STK32B: variants seen among roughly 807,000 people sequenced by gnomAD.
STK32B encodes serine/threonine kinase 32B.
Under a neutral mutation model 52.6 loss-of-function variants are expected in STK32B, and 43 were observed. The observed-to-expected ratio is 0.82, with a 90% CI of 0.64 to 1.05. The LOEUF (loss-of-function observed/expected upper bound fraction) is 1.05. STK32B is among the 50% of genes least tolerant of loss of function. The probability of loss-of-function intolerance (pLI) is 0.00; values close to 1 mark genes in which losing one functional copy is unlikely to be tolerated. For missense variants in STK32B, 621 were observed against 534.6 expected (o/e 1.16, Z -1.59); for synonymous variants, 238 against 204.3 (o/e 1.17, Z -1.41).
At chr4:5,439,811 T>A (rs1428133122) in intron 6 of STK32B, among the ~76,000 whole-genome samples, 1 of 151,776 alleles carries the variant, frequency 6.6e-6, no homozygotes, top group African/African-American at 2.4e-5. Context: ...CAGTTTCAGC[T>A]TTCTCCATAT....
chr4:5,314,667 T>G (rs1730544814), intron 3 of STK32B, among the ~76,000 whole-genome samples: 1 of 152,090 alleles, frequency 6.6e-6, no homozygotes, highest in African/African-American at 2.4e-5. Context: ...CAAGACTCCG[T>G]CTTAAACAAA....
intron 4 of STK32B, among the ~76,000 whole-genome samples, chr4:5,353,936 T>C (rs1393533135): frequency 6.6e-6 from 1 of 152,190 alleles, no homozygotes; most frequent in Non-Finnish European, 1.5e-5. Context: ...GGCATGCCAA[T>C]ATTTATTGCC....
chr4:5,022,670 AAGAGTC>A, the STK32B span, among the ~76,000 whole-genome samples: 17 of 152,324 alleles, frequency 1.1e-4, no homozygotes, highest in African/African-American at 4.1e-4. Context: ...AGGAGAGCTG[AAGAGTC>A]AGAGTTAACG....
At chr4:5,094,131 G>A (rs1342596537) in intron 1 of STK32B, among the ~76,000 whole-genome samples, 1 of 152,116 alleles carries the variant, frequency 6.6e-6, no homozygotes, top group African/African-American at 2.4e-5. Context: ...ATGGGTGCAG[G>A]ATTGCTACAA....
intron 2 of STK32B, among the ~76,000 whole-genome samples, chr4:5,156,800 A>G (rs1717890519): frequency 6.6e-6 from 1 of 152,198 alleles, no homozygotes; most frequent in Admixed American, 6.5e-5. Flanking sequence ...ATAGCTCTTT[A>G]TGCCCCTCAA....
At chr4:5,359,027 T>C (rs1734369187) in intron 4 of STK32B, among the ~76,000 whole-genome samples, 1 of 152,208 alleles carries the variant, frequency 6.6e-6, no homozygotes, top group Non-Finnish European at 1.5e-5. Context: ...GGCAGATTCA[T>C]TGATCAGCAA....
At chr4:5,418,719 C>T (rs531254799) in intron 6 of STK32B, among the ~76,000 whole-genome samples, 2 of 152,326 alleles carry the variant, frequency 1.3e-5, no homozygotes, top group South Asian at 2.1e-4. Context: ...GTGAAAATGC[C>T]CTGTTCCCAG....
chr4:5,198,189 C>T (rs1446161267), intron 3 of STK32B, among the ~76,000 whole-genome samples: 1 of 152,150 alleles, frequency 6.6e-6, no homozygotes, highest in Non-Finnish European at 1.5e-5. Flanking sequence ...GATGAGCAAA[C>T]TTTGTCTGCA....
intron 3 of STK32B, among the ~76,000 whole-genome samples, chr4:5,316,342 T>C: frequency 2.0e-5 from 1 of 50,346 alleles, no homozygotes; most frequent in South Asian, 6.6e-4. Flanking sequence ...CAATATAATA[T>C]ATTATATCAT....
At chr4:5,038,985 C>CTTTTTTT in the STK32B span, among the ~76,000 whole-genome samples, 10 of 122,314 alleles carry the variant, frequency 8.2e-5, no homozygotes, top group East Asian at 2.3e-4. Context: ...AAATTTCTTT[C>CTTTTTTT]TTTTTTTTTT....
At chr4:5,375,113 A>C (rs1013330638) in intron 4 of STK32B, among the ~76,000 whole-genome samples, 2 of 152,118 alleles carry the variant, frequency 1.3e-5, no homozygotes, top group Non-Finnish European at 2.9e-5. Flanking sequence ...TGGTCTCACC[A>C]TCTGGCTTCT....
chr4:5,100,115 G>T (rs2108792177), intron 1 of STK32B, among the ~76,000 whole-genome samples: 1 of 152,200 alleles, frequency 6.6e-6, no homozygotes, highest in East Asian at 1.9e-4. Context: ...CAGCAGAGAA[G>T]TGATAGAGCC....
chr4:5,348,767 C>T (rs1026623490), intron 4 of STK32B, among the ~76,000 whole-genome samples: 2 of 152,174 alleles, frequency 1.3e-5, no homozygotes, highest in African/African-American at 4.8e-5. Context: ...CTGCATGCAC[C>T]ATCAGGGGGC....
intron 2 of STK32B, chr4:5,140,425 C>A: frequency 1.5e-6 from 1 of 658,250 alleles, no homozygotes; most frequent in Non-Finnish European, 2.0e-6. Context: ...CCAGTCTGTT[C>A]CCACATACTC....
intron 3 of STK32B, among the ~76,000 whole-genome samples, chr4:5,179,583 A>C (rs533549607): frequency 1.3e-5 from 2 of 152,320 alleles, no homozygotes; most frequent in Admixed American, 1.3e-4. Flanking sequence ...ATGATTAATA[A>C]ATAGATGATA....
chr4:5,446,776 G>C lies in STK32B; in HGVS notation c.666G>C (p.Trp222Cys). The change falls in exon 7 of 12, where the codon TGG becomes TGC. Residue 222 changes from tryptophan (W) to cysteine (C), a missense_variant and splice_region_variant. Physicochemically the swap from Trp to Cys is radical, Grantham distance 215 (BLOSUM62 -2). Transcript: ENST00000282908. Reference protein sequence around the residue: ...GITAYELLRGWRPYEIHSVTP... With the variant: ...GITAYELLRGCRPYEIHSVTP... ...CAGCCTATGAGCTGCTGCGGGGCTG[G>C]GTAAGACAGGCACCTGTGCGGTACA... The C allele has an allele frequency of 1.2e-5, 19 of 1,613,874 alleles. No homozygotes were observed. The highest frequency in any genetic ancestry group is 1.5e-5 in the Non-Finnish European group (18 of 1,179,894).
chr4:5,303,190 G>C (rs952494403), intron 3 of STK32B, among the ~76,000 whole-genome samples: 1 of 152,006 alleles, frequency 6.6e-6, no homozygotes, highest in South Asian at 2.1e-4. Context: ...CCTCAGGGTA[G>C]ATACCCAGGA....
intron 6 of STK32B, among the ~76,000 whole-genome samples, chr4:5,426,696 A>AAAAAAAAAAAAAAAAAAAAAAAAAG (rs1713133460): frequency 7.1e-6 from 1 of 140,600 alleles, no homozygotes; most frequent in Admixed American, 6.9e-5. Flanking sequence ...TCTAAACAAA[A>AAAAAAAAAAAAAAAAAAAAAAAAAG]AAAAAAAAAA....
At chr4:5,408,512 C>G (rs1234946463) in intron 5 of STK32B, among the ~76,000 whole-genome samples, 1 of 152,158 alleles carries the variant, frequency 6.6e-6, no homozygotes, top group African/African-American at 2.4e-5. Flanking sequence ...CATGAGCCAC[C>G]AGTTAAACCC....
Sources: gnomAD v4.1 joint callset for allele counts (sites outside exome capture counted in the v4.1 genomes callset) on GRCh38, gnomAD v4.1.1 for gene constraint, MANE v1.5 for transcripts, NCBI Gene and HGNC (gene_info 2026-07-23, HGNC 2026-07-21) for gene names.